The following TNRC6B variants were observed in gnomAD, a reference collection of about 807,000 sequenced individuals.
TNRC6B encodes the protein trinucleotide repeat containing adaptor 6B, also known as trinucleotide repeat-containing gene 6B protein.
Under a neutral mutation model 203.6 loss-of-function variants are expected in TNRC6B, and 52 were observed. The observed-to-expected ratio is 0.26, with a 90% CI of 0.20 to 0.32. The LOEUF (loss-of-function observed/expected upper bound fraction) is 0.32, where lower values mean the gene tolerates loss of function less well. Ranked by LOEUF, TNRC6B falls within the 10% of genes least tolerant of loss-of-function variation. The pLI is 1.00. For missense variants in TNRC6B, 1,923 were observed against 2,286.2 expected (o/e 0.84, Z 3.24); for synonymous variants, 838 against 845.7 (o/e 0.99, Z 0.16).
intron 1 of TNRC6B, among the ~76,000 whole-genome samples, chr22:40,072,972 G>T (rs1467450608): frequency 6.6e-6 from 1 of 151,470 alleles, no homozygotes; most frequent in Non-Finnish European, 1.5e-5. Flanking sequence ...TCATAATGAG[G>T]CTATAAGATA....
chr22:40,285,928 G>C (rs1376477789), intron 12 of TNRC6B, among the ~76,000 whole-genome samples, 158 bp downstream of exon 12: 1 of 152,154 alleles, frequency 6.6e-6, no homozygotes, highest in Non-Finnish European at 1.5e-5. Context: ...ATCAAGTAGA[G>C]TAAAATATGA....
chr22:40,170,182 G>A (rs535528325), intron 4 of TNRC6B, among the ~76,000 whole-genome samples: 385 of 149,112 alleles, frequency 2.6e-3, no homozygotes, highest in Non-Finnish European at 4.5e-3. Context: ...GGAGGCTGAG[G>A]CAGGAGAATC....
intron 6 of TNRC6B, among the ~76,000 whole-genome samples, chr22:40,272,682 G>A (rs748919651): frequency 5.9e-5 from 9 of 152,192 alleles, no homozygotes; most frequent in Non-Finnish European, 1.2e-4. Flanking sequence ...TGTTTAGAAT[G>A]GGATACTGAT....
chr22:40,288,493 C>A (rs968647472), intron 12 of TNRC6B, among the ~76,000 whole-genome samples: 3 of 152,058 alleles, frequency 2.0e-5, no homozygotes, highest in Non-Finnish European at 4.4e-5. Context: ...TTGCTTCAGC[C>A]CAGGAGTTTG....
intron 1 of TNRC6B, among the ~76,000 whole-genome samples, chr22:40,221,282 T>A (rs1014473088): frequency 6.6e-6 from 1 of 152,160 alleles, no homozygotes; most frequent in African/African-American, 2.4e-5. Context: ...CTAAGATAGA[T>A]CTCGACTGTC....
intron 1 of TNRC6B, among the ~76,000 whole-genome samples, chr22:40,066,028 G>A (rs144830493): frequency 6.6e-6 from 1 of 152,176 alleles, no homozygotes; most frequent in African/African-American, 2.4e-5. Flanking sequence ...TCTCTGTGCA[G>A]CTCTTTTCTC....
chr22:40,047,800 A>G (rs1039819519), intron 1 of TNRC6B, among the ~76,000 whole-genome samples: 47 of 152,126 alleles, frequency 3.1e-4, no homozygotes, highest in African/African-American at 1.1e-3. Context: ...GTGTATTGTG[A>G]TAAATTGTGT....
intron 3 of TNRC6B, among the ~76,000 whole-genome samples, chr22:40,143,874 C>A (rs1601839117): frequency 6.6e-6 from 1 of 152,052 alleles, no homozygotes; most frequent in Non-Finnish European, 1.5e-5. Context: ...TAAAGAATTA[C>A]CAAAAATCAG....
chr22:40,110,734 C>G (rs2068324635), intron 1 of TNRC6B, among the ~76,000 whole-genome samples: 1 of 152,176 alleles, frequency 6.6e-6, no homozygotes, highest in Non-Finnish European at 1.5e-5. Flanking sequence ...GTGCCAGGGT[C>G]CTACCATCAG....
intron 3 of TNRC6B, among the ~76,000 whole-genome samples, chr22:40,130,555 G>A (rs143416805): frequency 0.018 from 2,718 of 151,800 alleles, 72 homozygotes; most frequent in African/African-American, 0.061. Context: ...GCCGAGGCGG[G>A]CGGATCACGA....
chr22:40,113,830 G>C (rs1199306376), intron 1 of TNRC6B, among the ~76,000 whole-genome samples: 1 of 152,142 alleles, frequency 6.6e-6, no homozygotes, highest in African/African-American at 2.4e-5. Flanking sequence ...CCTCCTTGCT[G>C]GTGTTGTGCT....
At chr22:40,163,826 T>C (rs2068894051) in intron 4 of TNRC6B, among the ~76,000 whole-genome samples, 1 of 152,016 alleles carries the variant, frequency 6.6e-6, no homozygotes, top group Middle Eastern at 3.2e-3. Context: ...AATTTTATTT[T>C]ATTTTTTTAT....
chr22:40,316,142 C>T (rs1419852278), intron 21 of TNRC6B, 130 bp downstream of exon 21: 3 of 713,068 alleles, frequency 4.2e-6, no homozygotes, highest in Non-Finnish European at 7.1e-6. Context: ...ATCACGAGGT[C>T]AGGAGATCAA....
intron 2 of TNRC6B, among the ~76,000 whole-genome samples, chr22:40,121,659 G>A (rs1371202994): frequency 6.6e-6 from 1 of 152,334 alleles, no homozygotes; most frequent in Admixed American, 6.5e-5. Flanking sequence ...TGCCTGCACA[G>A]CTGATATGTA....
intron 1 of TNRC6B, among the ~76,000 whole-genome samples, chr22:40,227,497 A>G (rs2069807203): frequency 6.7e-6 from 1 of 148,220 alleles, no homozygotes; most frequent in African/African-American, 2.5e-5. Context: ...TTACAGGTGC[A>G]TGCCACCACA....
intron 1 of TNRC6B, among the ~76,000 whole-genome samples, chr22:40,089,335 C>T (rs539805330): frequency 1.6e-4 from 25 of 152,066 alleles, no homozygotes; most frequent in Middle Eastern, 3.4e-3. Flanking sequence ...CGTGTTCAAG[C>T]GATTCTCTTG....
chr22:40,236,056 C>T (rs2069943110), intron 1 of TNRC6B, among the ~76,000 whole-genome samples: 1 of 152,204 alleles, frequency 6.6e-6, no homozygotes, highest in African/African-American at 2.4e-5. Flanking sequence ...ATGGTAACTT[C>T]TTGCAGAACT....
intron 12 of TNRC6B, among the ~76,000 whole-genome samples, chr22:40,298,166 T>A (rs139906): frequency 0.67 from 102,055 of 151,554 alleles, 35,895 homozygotes; most frequent in African/African-American, 0.89. Context: ...AAAAAATCAT[T>A]AAAAAAAACC....
At chr22:40,206,930 T>C (rs1459369095) in intron 1 of TNRC6B, among the ~76,000 whole-genome samples, 2 of 152,134 alleles carry the variant, frequency 1.3e-5, no homozygotes, top group Non-Finnish European at 2.9e-5. Flanking sequence ...ACTGAATGGC[T>C]TAAAACATCG....
Sources: gnomAD v4.1 joint callset for allele counts (sites outside exome capture counted in the v4.1 genomes callset) on GRCh38, gnomAD v4.1.1 for gene constraint, MANE v1.5 for transcripts, NCBI Gene and HGNC (gene_info 2026-07-23, HGNC 2026-07-21) for gene names.